Variants in HIP1 observed in about 807,000 individuals in gnomAD.
HIP1 encodes the protein huntingtin-interacting protein 1.
A neutral mutation model predicts 147.6 loss-of-function variants in HIP1; 65 were observed. The observed-to-expected ratio is 0.44, with a 90% CI of 0.36 to 0.54. The LOEUF (loss-of-function observed/expected upper bound fraction) is 0.54, where lower values mean the gene tolerates loss of function less well. Among genes scored for constraint, HIP1 ranks in the 20% least tolerant of loss-of-function variants. HIP1 has a pLI of 0.00. For missense variants in HIP1, 1,061 were observed against 1,299.6 expected (o/e 0.82, Z 2.82); for synonymous variants, 479 against 504.0 (o/e 0.95, Z 0.67).
At chr7:75,712,236 C>T (rs1801183742) in intron 1 of HIP1, among the ~76,000 whole-genome samples, 2 of 152,142 alleles carry the variant, frequency 1.3e-5, no homozygotes, top group South Asian at 4.1e-4. Context: ...ACATCATCAA[C>T]ATAGCTCTTT....
In HIP1 at chr7:75,535,362, CT is replaced by C. The variant is rs879981616; in HGVS notation, c.*2809del. ...CCTGGGCTGGGCTCTGACACAGAATCTTTTTTTTTTTGAGACAGGGTCTCAC... is the reference window on the plus strand; with the variant it reads ...CCTGGGCTGGGCTCTGACACAGAATCTTTTTTTTTTGAGACAGGGTCTCAC... On this transcript the variant is annotated 3_prime_UTR_variant, in exon 31 of 31. Transcript: ENST00000336926. The C allele has an allele frequency of 9.9e-3, 1,674 of 169,492 alleles. No homozygotes were observed. Among genetic ancestry groups the C allele is most frequent in the East Asian group, 0.03 (265 of 8,866 alleles). 10.5% of individuals were successfully genotyped at this position (169,492 alleles called of 1,614,324 possible). A position where few individuals can be genotyped will look rare whatever the true frequency, so the allele number is the denominator to read the frequency against.
intron 24 of HIP1, 77 bp from the exon 25 acceptor site, chr7:75,547,109 C>T (rs1794597104): frequency 2.4e-6 from 3 of 1,242,680 alleles, no homozygotes; most frequent in Middle Eastern, 1.9e-4. Context: ...CTTCCCCACT[C>T]CTAGCCAAAG....
chr7:75,543,053 C>A, intron 27 of HIP1, 79 bp from the exon 28 acceptor site: 1 of 1,469,670 alleles, frequency 6.8e-7, no homozygotes. Context: ...TCTGATGGTT[C>A]TTAGCAAACA....
At chr7:75,736,420 T>TA (rs1336277158) in intron 1 of HIP1, among the ~76,000 whole-genome samples, 50 of 146,646 alleles carry the variant, frequency 3.4e-4, no homozygotes, top group East Asian at 1.0e-3. Context: ...TTTCATTTAT[T>TA]AAAAAAAAAA....
chr7:75,544,687 G>A lies in HIP1; in HGVS notation c.2766+8C>T. The A allele has an allele frequency of 1.3e-6, 2 of 1,571,220 alleles. No individual in the cohort carries two copies. The highest frequency in any genetic ancestry group is 8.8e-7 in the Non-Finnish European group (1 of 1,140,912). ...TCCAGCGTCCTAGGAGGTCCAGCCAGGTCCTACCTTGGATGCAGCCACAAG... is the reference window on the plus strand; with the variant it reads ...TCCAGCGTCCTAGGAGGTCCAGCCAAGTCCTACCTTGGATGCAGCCACAAG... On this transcript the variant is annotated splice_region_variant and intron_variant, in intron 27 of 30. Transcript: ENST00000336926.
intron 27 of HIP1, among the ~76,000 whole-genome samples, 165 bp downstream of exon 27, chr7:75,544,530 T>TTAACCTAGCCAAGTACAGTC (rs1794467314): frequency 6.6e-6 from 1 of 151,802 alleles, no homozygotes; most frequent in African/African-American, 2.4e-5. Flanking sequence ...TTAGTACTCT[T>TTAACCTAGCCAAGTACAGTC]TAACCTAGCC....
At chr7:75,728,449 CCTT>C (rs1265843351) in intron 1 of HIP1, among the ~76,000 whole-genome samples, 5 of 152,366 alleles carry the variant, frequency 3.3e-5, no homozygotes, top group Admixed American at 2.6e-4. Flanking sequence ...CATCAACCCT[CCTT>C]GATGCAGGAG....
intron 1 of HIP1, among the ~76,000 whole-genome samples, chr7:75,673,360 A>G (rs2705831): frequency 0.56 from 85,289 of 151,202 alleles, 24,471 homozygotes; most frequent in African/African-American, 0.66. Context: ...CTTATTTGGG[A>G]TCCCTTGCAT....
intron 17 of HIP1, 36 bp from the exon 18 acceptor site, chr7:75,556,205 G>A: frequency 6.2e-7 from 1 of 1,608,660 alleles, no homozygotes; most frequent in Non-Finnish European, 8.5e-7. Context: ...GGGAGACGCT[G>A]GTTGAGTTAA....
Position 75,557,665 on chromosome 7 carries a change from C to G in HIP1, c.1570G>C (p.Gly524Arg), listed in dbSNP as rs1795068570. 6.2e-7 allele frequency: 1 copy of G among 1,613,148 alleles called. No homozygotes were observed. The highest frequency in any genetic ancestry group is 2.2e-5 in the East Asian group (1 of 44,890). ...EDSLERISDQGQRKTQEQLEV... is the reference protein window; with the variant it reads ...EDSLERISDQRQRKTQEQLEV... ...CTCGTCCCACTCACCTTCCGCTGGC[C>G]CTGGTCACTGATGCGCTCCAACGAA... Residue 524 changes from glycine to arginine, a missense_variant, in exon 16 of 31, where the codon GGC (glycine) becomes CGC (arginine). Coordinates refer to ENST00000336926, the MANE Select transcript of HIP1 (RefSeq NM_005338.7).
At chr7:75,539,111 A>G (rs1014049767) in intron 30 of HIP1, among the ~76,000 whole-genome samples, 5 of 152,214 alleles carry the variant, frequency 3.3e-5, no homozygotes, top group Admixed American at 3.3e-4. Flanking sequence ...AAAGGTGACA[A>G]CAAAAGCTTT....
At chr7:75,633,735 T>C (rs1798321272) in intron 1 of HIP1, among the ~76,000 whole-genome samples, 1 of 152,186 alleles carries the variant, frequency 6.6e-6, no homozygotes, top group African/African-American at 2.4e-5. Flanking sequence ...GTTGGGCATT[T>C]AACTTCTACC....
chr7:75,602,303 CT>C (rs67019261), intron 1 of HIP1, among the ~76,000 whole-genome samples: 3,137 of 77,006 alleles, frequency 0.041, 50 homozygotes, highest in Non-Finnish European at 0.061. Flanking sequence ...ACCTGGCCAG[CT>C]TTTTTTTTTT....
chr7:75,584,520 G>A (rs922977736), intron 5 of HIP1, among the ~76,000 whole-genome samples: 1 of 152,158 alleles, frequency 6.6e-6, no homozygotes. Flanking sequence ...AGAGCCTCTG[G>A]AAGCAAAGCC....
rs1796527264 is a variant in HIP1, at chr7:75,592,378, G to T, written c.321C>A (p.His107Gln). The change falls in exon 3 of 31, where the codon CAC becomes CAA. Residue 107 changes from histidine (H) to glutamine (Q), a missense_variant. His to Gln is a conservative substitution (Grantham distance 24). This residue lies in a region of HIP1 where 225 missense variants were observed against 292.9 expected (regional missense o/e 0.77). Transcript: ENST00000336926. Reference protein sequence around the residue: ...HVFHKLLRDGHPNVLKDSLRY... With the variant: ...HVFHKLLRDGQPNVLKDSLRY... ...CATAGCCCCAGGAACTCACGTTCGG[G>T]TGTCCATCTCGGAGGAGTTTGTGGA... 2.5e-6 allele frequency: 4 copies of T among 1,605,782 alleles called. No individual in the cohort carries two copies. Among genetic ancestry groups the T allele is most frequent in the Non-Finnish European group, 3.4e-6 (4 of 1,177,290 alleles).
At position 75,675,193 on chromosome 7, in the gene HIP1, A is replaced by C. The variant is rs115213824; in HGVS notation, c.120+63608T>G. ...ACTGATTCCTCTTTCATCTTCTCAA[A>C]TCTGATACTGATTTTTTTTCTTTTT... On this transcript the variant is annotated intron_variant, in intron 1 of 30. Transcript: ENST00000336926. Among the ~76,000 whole-genome samples, 464 of 151,718 alleles carry C rather than the reference A, an allele frequency of 3.1e-3. 2 individuals carry two copies. Among genetic ancestry groups the C allele is most frequent in the African/African-American group, 0.01 (429 of 41,414 alleles).
At position 75,559,725 on chromosome 7, in the gene HIP1, C is replaced by A; in HGVS notation, c.1375+7G>T. On this transcript the variant is annotated splice_region_variant and intron_variant, in intron 14 of 30. Coordinates refer to ENST00000336926, the MANE Select transcript of HIP1 (RefSeq NM_005338.7). ...GGGGCCCGCCCCCGCCCCCACCCAC[C>A]GCTCACTTTCTATCTCAGACAGGCT... The A allele has an allele frequency of 6.6e-7, 1 of 1,514,202 alleles. No homozygotes were observed. Among genetic ancestry groups the A allele is most frequent in the South Asian group, 1.2e-5 (1 of 80,464 alleles). 93.8% of individuals were successfully genotyped at this position (1,514,202 alleles called of 1,614,324 possible). A position where few individuals can be genotyped will look rare whatever the true frequency, so the allele number is the denominator to read the frequency against.
chr7:75,691,085 C>T (rs186258975), intron 1 of HIP1, among the ~76,000 whole-genome samples: 2 of 152,088 alleles, frequency 1.3e-5, no homozygotes, highest in Non-Finnish European at 2.9e-5. Flanking sequence ...GCAGCCATTA[C>T]GGGAATGGAG....
At chr7:75,720,945 G>A (rs1194820848) in intron 1 of HIP1, among the ~76,000 whole-genome samples, 2 of 151,410 alleles carry the variant, frequency 1.3e-5, no homozygotes. Flanking sequence ...GGCTGAGGCA[G>A]GAGAATCGCT....
Sources: gnomAD v4.1 joint callset for allele counts (sites outside exome capture counted in the v4.1 genomes callset) on GRCh38, gnomAD v4.1.1 for gene constraint, gnomAD v4.1.1 regional missense constraint, MANE v1.5 for transcripts, NCBI Gene and HGNC (gene_info 2026-07-23, HGNC 2026-07-21) for gene names.